The following TMEM132B variants were observed in gnomAD, a reference collection of about 807,000 sequenced individuals.
TMEM132B encodes the protein transmembrane protein 132B.
A neutral mutation model predicts 90.8 loss-of-function variants in TMEM132B; 18 were observed. That is an observed-to-expected ratio of 0.20 (90% CI 0.14 to 0.29). The LOEUF is 0.29. TMEM132B is among the 10% of genes least tolerant of loss of function. TMEM132B has a pLI of 1.00. For missense variants in TMEM132B, 1,096 were observed against 1,326.8 expected, an observed-to-expected ratio of 0.83 and a Z score of 2.70; for synonymous variants, 504 against 523.3, an observed-to-expected ratio of 0.96 and a Z score of 0.50.
intron 5 of TMEM132B, among the ~76,000 whole-genome samples, chr12:125,604,085 C>T (rs1170856723): frequency 6.6e-6 from 1 of 152,162 alleles, no homozygotes; most frequent in Non-Finnish European, 1.5e-5. Flanking sequence ...ACCCAGCAAT[C>T]CCATTACTGG....
chr12:125,441,124 T>C lies in TMEM132B; in HGVS notation c.1106+25447T>C, dbSNP rs557283021. On this transcript the variant is annotated intron_variant, in intron 3 of 8. Transcript: ENST00000682704. ...CTTAAGATAGGGAGAATTTTGTCTCTACATGATAGGGTTGTTGTGGGATTA... is the reference window on the plus strand; with the variant it reads ...CTTAAGATAGGGAGAATTTTGTCTCCACATGATAGGGTTGTTGTGGGATTA... Among the ~76,000 whole-genome samples the C allele has an allele frequency of 5.3e-5, 8 of 152,362 alleles. No homozygotes were observed. The South Asian group carries it at 8.3e-4, about 16-fold the overall frequency.
chr12:125,480,232 A>C lies in TMEM132B; in HGVS notation c.1107-39207A>C, dbSNP rs143581339. On this transcript the variant is annotated intron_variant, in intron 3 of 8. Coordinates refer to ENST00000682704, the MANE Select transcript of TMEM132B (RefSeq NM_001366854.1). ...GCAAGAGCAAACAAATTCAAAAGGT[A>C]GCAGAAGGCAAGAAATAATTAAGAT... is the stretch of plus-strand genomic sequence containing the variant. Among the ~76,000 whole-genome samples the C allele has an allele frequency of 5.8e-3, 884 of 152,336 alleles. 5 individuals carry two copies. The highest frequency in any genetic ancestry group is 0.014 in the Middle Eastern group (4 of 294).
At chr12:125,649,168 T>G (rs959015074) in intron 6 of TMEM132B, among the ~76,000 whole-genome samples, 7 of 152,138 alleles carry the variant, frequency 4.6e-5, no homozygotes, top group Non-Finnish European at 7.4e-5. Context: ...TGGTGAAAAT[T>G]TTTCTACCAT....
intron 1 of TMEM132B, among the ~76,000 whole-genome samples, chr12:125,270,917 T>C (rs1429214988): frequency 6.6e-6 from 1 of 151,298 alleles, no homozygotes; most frequent in Non-Finnish European, 1.5e-5. Context: ...ATGGCCATGC[T>C]TACCTGCACA....
At chr12:125,200,308 A>G (rs1224695885) in intron 1 of TMEM132B, among the ~76,000 whole-genome samples, 1 of 152,242 alleles carries the variant, frequency 6.6e-6, no homozygotes, top group South Asian at 2.1e-4. Context: ...GACCAATTTC[A>G]TATTCTCTCA....
intron 4 of TMEM132B, among the ~76,000 whole-genome samples, chr12:125,536,035 G>A (rs1883787091): frequency 6.6e-6 from 1 of 152,204 alleles, no homozygotes; most frequent in African/African-American, 2.4e-5. Context: ...TGCTTCTGCA[G>A]GGAGGTGGGT....
chr12:125,597,845 T>A (rs1187951274), intron 5 of TMEM132B, among the ~76,000 whole-genome samples: 1 of 152,174 alleles, frequency 6.6e-6, no homozygotes, highest in Non-Finnish European at 1.5e-5. Context: ...GAGTTAGGTG[T>A]CCAAGGTCAT....
At chr12:125,522,204 C>T (rs947246747) in intron 4 of TMEM132B, among the ~76,000 whole-genome samples, 3 of 152,196 alleles carry the variant, frequency 2.0e-5, no homozygotes, top group Non-Finnish European at 4.4e-5. Flanking sequence ...TCTATTTTCA[C>T]TTATTTGTCC....
chr12:125,662,047 G>A lies in TMEM132B; in HGVS notation c.*7337G>A, dbSNP rs1887217051. On this transcript the variant is annotated 3_prime_UTR_variant, in exon 9 of 9. Transcript: ENST00000682704. Reference sequence around the variant, plus strand: ...CATAGTGAGTGGCCAAACCTACACAGCCCAGCCAGTAGTGTGCTTTGGGGT... The same window carrying A: ...CATAGTGAGTGGCCAAACCTACACAACCCAGCCAGTAGTGTGCTTTGGGGT... 6.6e-6 allele frequency: 1 copy of A among 152,274 alleles called. No homozygotes were observed. The highest frequency in any genetic ancestry group is 2.4e-5 in the African/African-American group (1 of 41,462). The allele number at this position is 152,274 out of a possible 1,614,324, so 9.4% of individuals were successfully genotyped here.
intron 5 of TMEM132B, among the ~76,000 whole-genome samples, chr12:125,603,580 CA>C (rs535922517): frequency 3.7e-4 from 56 of 152,180 alleles, no homozygotes; most frequent in African/African-American, 1.3e-3. Flanking sequence ...GCAATTGCAA[CA>C]AAAACAAAAA....
chr12:125,498,595 C>T lies in TMEM132B; in HGVS notation c.1107-20844C>T, dbSNP rs555033030. ...TGTTTTATAAACCAGCCAGGCTGGTCCCCTGGTGGAGGGACTCAGAAAACA... is the reference window on the plus strand; with the variant it reads ...TGTTTTATAAACCAGCCAGGCTGGTTCCCTGGTGGAGGGACTCAGAAAACA... On this transcript the variant is annotated intron_variant, in intron 3 of 8. Transcript: ENST00000682704. This position sits in a 1 kb window ranked among gnomAD's most constrained non-coding sequence, Gnocchi z 4.5. Among the ~76,000 whole-genome samples, 1 of 152,182 alleles carries T rather than the reference C, an allele frequency of 6.6e-6. No homozygotes were observed. Among genetic ancestry groups the T allele is most frequent in the Non-Finnish European group, 1.5e-5 (1 of 68,034 alleles).
intron 4 of TMEM132B, among the ~76,000 whole-genome samples, chr12:125,539,150 C>T (rs1223971758): frequency 6.6e-6 from 1 of 152,210 alleles, no homozygotes; most frequent in Non-Finnish European, 1.5e-5. Context: ...CTGTTGGCTT[C>T]CCATTGCATT....
chr12:125,346,350 A>G (rs889888461), intron 1 of TMEM132B, among the ~76,000 whole-genome samples: 1 of 152,270 alleles, frequency 6.6e-6, no homozygotes, highest in African/African-American at 2.4e-5. Flanking sequence ...TAAATAAATC[A>G]GAATTTAAGC....
At chr12:125,254,206 C>T (rs780018572) in intron 1 of TMEM132B, among the ~76,000 whole-genome samples, 21 of 151,658 alleles carry the variant, frequency 1.4e-4, no homozygotes, top group Non-Finnish European at 2.8e-4. Flanking sequence ...GGAGGATCAC[C>T]GGAGGTCGAA....
intron 4 of TMEM132B, among the ~76,000 whole-genome samples, chr12:125,569,515 C>G (rs573729009): frequency 7.1e-4 from 108 of 152,232 alleles, no homozygotes; most frequent in Admixed American, 3.3e-4. Flanking sequence ...TCCTTTTTAC[C>G]ATGGGCTACT....
intron 5 of TMEM132B, among the ~76,000 whole-genome samples, chr12:125,624,248 T>C (rs899278293): frequency 1.3e-5 from 2 of 152,082 alleles, no homozygotes; most frequent in African/African-American, 2.4e-5. Context: ...GCTAGGGAGA[T>C]CTTTTGGAAG....
chr12:125,605,400 A>G (rs1246189377), intron 5 of TMEM132B, among the ~76,000 whole-genome samples: 1 of 152,136 alleles, frequency 6.6e-6, no homozygotes, highest in African/African-American at 2.4e-5. Flanking sequence ...AAGTCTCTAT[A>G]TTGTGTCTGC....
chr12:125,548,846 A>G (rs1460269611), intron 4 of TMEM132B, among the ~76,000 whole-genome samples: 1 of 152,220 alleles, frequency 6.6e-6, no homozygotes, highest in Admixed American at 6.5e-5. Flanking sequence ...CAGGCAAGAC[A>G]CGATGGTGGC....
chr12:125,274,506 G>T (rs988072933), intron 1 of TMEM132B, among the ~76,000 whole-genome samples: 1 of 152,196 alleles, frequency 6.6e-6, no homozygotes, highest in South Asian at 2.1e-4. Flanking sequence ...CGACACAGAG[G>T]TGTTCCGATC....
Sources: allele counts gnomAD v4.1 joint callset (sites outside exome capture counted in the v4.1 genomes callset), GRCh38; gene constraint gnomAD v4.1.1; non-coding constraint Gnocchi (gnomAD v3.1); transcripts MANE v1.5; gene names NCBI Gene and HGNC (gene_info 2026-07-23, HGNC 2026-07-21).